Variants in EIF4G3 observed in about 807,000 individuals in gnomAD.
EIF4G3 encodes the protein eukaryotic translation initiation factor 4 gamma 3, also known as eIF-4-gamma 3.
A neutral mutation model predicts 186.4 loss-of-function variants in EIF4G3; 34 were observed. The ratio of observed to expected loss-of-function variants is 0.18; its 90% CI spans 0.14 to 0.24. The LOEUF is 0.24. Ranked by LOEUF, EIF4G3 falls within the 10% of genes least tolerant of loss-of-function variation. The probability of loss-of-function intolerance (pLI) is 1.00; values close to 1 mark genes in which losing one functional copy is unlikely to be tolerated. For synonymous variants in EIF4G3, 673 were observed against 679.5 expected (o/e 0.99, Z 0.15); for missense variants, 1,536 against 1,948.5 (o/e 0.79, Z 3.99).
At chr1:20,924,544 A>G (rs1230036472) in intron 14 of EIF4G3, among the ~76,000 whole-genome samples, 1 of 152,208 alleles carries the variant, frequency 6.6e-6, no homozygotes, top group African/African-American at 2.4e-5. Flanking sequence ...TATCAGATAA[A>G]TCATGAGAGA....
intron 2 of EIF4G3, among the ~76,000 whole-genome samples, chr1:21,165,335 A>G (rs989948225): frequency 2.0e-5 from 3 of 152,238 alleles, no homozygotes; most frequent in African/African-American, 7.2e-5. Flanking sequence ...CCCAAGGTAT[A>G]TACTCAAGAG....
intron 2 of EIF4G3, among the ~76,000 whole-genome samples, chr1:21,163,692 A>C (rs1239010246): frequency 6.6e-6 from 1 of 152,202 alleles, no homozygotes; most frequent in Non-Finnish European, 1.5e-5. Flanking sequence ...CTCTTCTTTA[A>C]TGTGGTCTTT....
At chr1:20,849,803 T>C (rs1557906918) in intron 28 of EIF4G3, among the ~76,000 whole-genome samples, 1 of 152,180 alleles carries the variant, frequency 6.6e-6, no homozygotes, top group Non-Finnish European at 1.5e-5. Context: ...TTGCTCCCCA[T>C]TGCTTCAAAG....
rs577384729 is a variant in EIF4G3 at position 20,994,454 on chromosome 1, T to C, written c.177+3147A>G. Among the ~76,000 whole-genome samples the C allele has an allele frequency of 8.5e-4, 130 of 152,176 alleles. 1 individual carries two copies. The highest frequency in any genetic ancestry group is 2.1e-3 in the African/African-American group (89 of 41,552). ...TATGATGAAAAGAATTTAACTGGTGTTCAGGAAAAAAAGGATAACAAAGAA... is the reference window on the plus strand; with the variant it reads ...TATGATGAAAAGAATTTAACTGGTGCTCAGGAAAAAAAGGATAACAAAGAA... On this transcript the variant is annotated intron_variant, in intron 7 of 36. Coordinates refer to ENST00000602326, the MANE Select transcript of EIF4G3 (RefSeq NM_001391906.1).
At chr1:20,834,935 G>C (rs2066305342) in intron 30 of EIF4G3, among the ~76,000 whole-genome samples, 1 of 152,130 alleles carries the variant, frequency 6.6e-6, no homozygotes, top group East Asian at 1.9e-4. Flanking sequence ...TTCTTCTAAA[G>C]TGCAAATAAA....
intron 2 of EIF4G3, among the ~76,000 whole-genome samples, chr1:21,102,398 C>T (rs544052452): frequency 1.3e-5 from 2 of 152,346 alleles, no homozygotes; most frequent in East Asian, 1.9e-4. Context: ...TTGTACCAGA[C>T]TGCCAACTTC....
At chr1:21,106,312 G>T (rs769585450) in intron 2 of EIF4G3, among the ~76,000 whole-genome samples, 14 of 152,044 alleles carry the variant, frequency 9.2e-5, no homozygotes, top group Non-Finnish European at 1.8e-4. Context: ...AAAAAAAGCT[G>T]AGAGATTATA....
At chr1:21,043,862 C>T (rs1179318184) in intron 4 of EIF4G3, among the ~76,000 whole-genome samples, 3 of 139,704 alleles carry the variant, frequency 2.1e-5, no homozygotes, top group Non-Finnish European at 3.1e-5. Flanking sequence ...CAGAGTGAAA[C>T]CTTGGCGCAA....
intron 35 of EIF4G3, 99 bp downstream of exon 35, chr1:20,813,059 G>A: frequency 2.5e-6 from 2 of 800,862 alleles, no homozygotes; most frequent in Non-Finnish European, 4.1e-6. Context: ...AGCTACATAG[G>A]AGAAGTTTTG....
At chr1:21,006,846 C>T (rs184349318) in intron 4 of EIF4G3, among the ~76,000 whole-genome samples, 164 of 152,230 alleles carry the variant, frequency 1.1e-3, no homozygotes, top group African/African-American at 3.5e-3. Flanking sequence ...ATCTGTATTT[C>T]CTATTTTCAC....
chr1:20,988,308 T>C (rs2080079432), intron 7 of EIF4G3: 1 of 170,408 alleles, frequency 5.9e-6, no homozygotes, highest in Non-Finnish European at 1.5e-5. Flanking sequence ...TGATTTTCAG[T>C]GTAGATGAAA....
intron 16 of EIF4G3, among the ~76,000 whole-genome samples, chr1:20,897,397 A>G (rs2154556251): frequency 6.6e-6 from 1 of 151,642 alleles, no homozygotes; most frequent in South Asian, 2.1e-4. Flanking sequence ...GTTCACTAGG[A>G]AATGTTATTT....
chr1:21,145,000 A>G (rs1291402523), intron 2 of EIF4G3, among the ~76,000 whole-genome samples: 1 of 152,124 alleles, frequency 6.6e-6, no homozygotes, highest in East Asian at 1.9e-4. Flanking sequence ...TTTCTTGGCC[A>G]GGCATGGTGG....
Position 20,973,111 on chromosome 1 carries a change from G to GA in EIF4G3, c.494-13dup. On this transcript the variant is annotated splice_polypyrimidine_tract_variant and intron_variant, in intron 10 of 36. Coordinates refer to ENST00000602326, the MANE Select transcript of EIF4G3 (RefSeq NM_001391906.1). ...GTAAAAAGGCGTTCCTAAAAAGTTG[G>GA]AAAAAATTAAATAGGCATTCAGTTA... 6.2e-7 allele frequency: 1 copy of GA among 1,601,990 alleles called. No homozygotes were observed. Among genetic ancestry groups the GA allele is most frequent in the South Asian group, 1.1e-5 (1 of 89,138 alleles).
intron 4 of EIF4G3, among the ~76,000 whole-genome samples, chr1:21,023,683 G>A (rs1413417322): frequency 9.3e-5 from 14 of 151,312 alleles, no homozygotes; most frequent in Admixed American, 2.6e-4. Flanking sequence ...CCGCCACCCC[G>A]TCTGGGAAGT....
intron 4 of EIF4G3, among the ~76,000 whole-genome samples, chr1:21,043,098 TC>T (rs2093670955): frequency 6.6e-6 from 1 of 152,130 alleles, no homozygotes; most frequent in Non-Finnish European, 1.5e-5. Context: ...TTTCATGACT[TC>T]TTAAAACAGA....
chr1:21,079,374 A>T (rs1281759087), intron 3 of EIF4G3, among the ~76,000 whole-genome samples: 2 of 152,178 alleles, frequency 1.3e-5, no homozygotes, highest in East Asian at 3.9e-4. Context: ...AAAATGGCTA[A>T]ATGTATCATG....
chr1:20,985,524 A>AT, intron 7 of EIF4G3, among the ~76,000 whole-genome samples: 1 of 137,598 alleles, frequency 7.3e-6, no homozygotes, highest in South Asian at 2.3e-4. Flanking sequence ...GCAAAAAAAA[A>AT]AAAAAATATA....
intron 2 of EIF4G3, among the ~76,000 whole-genome samples, chr1:21,104,642 G>A (rs895308069): frequency 6.6e-6 from 1 of 152,148 alleles, no homozygotes; most frequent in Non-Finnish European, 1.5e-5. Context: ...AATTACTTCA[G>A]CCATTGTGAA....
Sources: allele counts gnomAD v4.1 joint callset (sites outside exome capture counted in the v4.1 genomes callset), GRCh38; gene constraint gnomAD v4.1.1; transcripts MANE v1.5; gene names NCBI Gene and HGNC (gene_info 2026-07-23, HGNC 2026-07-21).